Variants in COL4A5 observed in about 807,000 individuals in gnomAD.
The protein encoded by COL4A5 is collagen alpha-5(IV) chain.
In COL4A5, 26 loss-of-function variants were observed where a neutral mutation model predicts 130.2. That is an observed-to-expected ratio of 0.20 (90% CI 0.15 to 0.28). The LOEUF (loss-of-function observed/expected upper bound fraction) is 0.28. Ranked by LOEUF, COL4A5 falls within the 10% of genes least tolerant of loss-of-function variation. The pLI is 1.00. For synonymous variants in COL4A5, 496 were observed against 439.6 expected, an observed-to-expected ratio of 1.13 and a Z score of -1.60; for missense variants, 1,131 against 1,344.3, an observed-to-expected ratio of 0.84 and a Z score of 2.48.
intron 46 of COL4A5, 46 bp downstream of exon 46, chrX:108,681,002 T>C (rs1218402297): frequency 1.8e-6 from 2 of 1,097,959 alleles, no homozygotes; most frequent in Non-Finnish European, 2.5e-6. Flanking sequence ...CTTAGATGCT[T>C]TAAAGAATTT....
chrX:108,627,408 G>A (rs1210498873), intron 36 of COL4A5: 1 of 733,607 alleles, frequency 1.4e-6, no homozygotes, highest in African/African-American at 2.4e-5. Context: ...AGAGTTTGGG[G>A]TTTTTTCTAC....
intron 30 of COL4A5, among the ~76,000 whole-genome samples, chrX:108,616,699 A>G (rs2066933472): frequency 9.0e-6 from 1 of 111,586 alleles, no homozygotes. Flanking sequence ...GAATCTAAAC[A>G]AAATACAAAT....
rs183934559 is a variant in COL4A5, at chrX:108,598,732, C to A, written c.1810C>A (p.Pro604Thr). 1.4e-5 allele frequency: 17 copies of A among 1,208,911 alleles called. No homozygotes were observed. In the East Asian group the frequency reaches 5.0e-4, roughly 36 times the overall value. ...AATTACTTTTAAGGGTGAAAGAGGT[C>A]CCCCTGGGAACCCAGGTTTACCAGG... ...GGITFKGERGPPGNPGLPGLP... is the reference protein window; with the variant it reads ...GGITFKGERGTPGNPGLPGLP... The change falls in exon 25 of 53, where the codon CCC becomes ACC. Residue 604 changes from proline to threonine, a missense_variant. Physicochemically the swap from Pro to Thr is conservative, Grantham distance 38 (BLOSUM62 -1). Coordinates refer to ENST00000328300, the MANE Select transcript of COL4A5 (RefSeq NM_033380.3).
rs953205757 is a variant in COL4A5, at chrX:108,582,950, A to G, written c.990+13A>G. The stretch of plus-strand genomic sequence containing the variant: ...GGATGGTGAAAAGGTAAGAATTTTA[A>G]TACTTTGAAGTGACTGGTTTAGTCT... On this transcript the variant is annotated intron_variant, in intron 17 of 52. Coordinates refer to ENST00000328300, the MANE Select transcript of COL4A5 (RefSeq NM_033380.3). 6 of 1,172,150 alleles carry G rather than the reference A, an allele frequency of 5.1e-6. No homozygotes were observed. The highest frequency in any genetic ancestry group is 7.0e-6 in the Non-Finnish European group (6 of 860,963).
At chrX:108,441,573 A>C (rs2064399830) in intron 1 of COL4A5, among the ~76,000 whole-genome samples, 1 of 112,500 alleles carries the variant, frequency 8.9e-6, no homozygotes, top group Admixed American at 9.4e-5. Flanking sequence ...TATGCATGCC[A>C]TAATTTTCTT....
In COL4A5 at chrX:108,598,606, A is replaced by G. The variant is rs778137080; in HGVS notation, c.1780-96A>G. The G allele has an allele frequency of 9.6e-4, 766 of 794,072 alleles. 4 individuals are homozygous for G. The highest frequency in any genetic ancestry group is 6.3e-5 in the Non-Finnish European group (33 of 521,129). The allele number at this position is 794,072 out of a possible 1,213,427, so 65.4% of individuals were successfully genotyped here. A position where few individuals can be genotyped will look rare whatever the true frequency, so the allele number is the denominator to read the frequency against. On this transcript the variant is annotated intron_variant, in intron 24 of 52. Coordinates refer to ENST00000328300, the MANE Select transcript of COL4A5 (RefSeq NM_033380.3). ...ACTTATATAGCTTTTAAGAAGAACT[A>G]TTTATGGCTATATCCTTTCCCCAGT...
chrX:108,578,251 T>G (rs764760207), intron 12 of COL4A5, 40 bp from the exon 13 acceptor site: 3 of 1,138,310 alleles, frequency 2.6e-6, no homozygotes, highest in Non-Finnish European at 3.6e-6. Context: ...CTGTGGAGAT[T>G]ATGAAGTATC....
chrX:108,605,862 T>G (rs1012474944), intron 28 of COL4A5, among the ~76,000 whole-genome samples: 4 of 112,058 alleles, frequency 3.6e-5, no homozygotes, highest in African/African-American at 9.7e-5. Flanking sequence ...TACAGATACA[T>G]AATGCAAATC....
chrX:108,638,280 T>C (rs758642217), intron 36 of COL4A5, among the ~76,000 whole-genome samples: 3 of 111,471 alleles, frequency 2.7e-5, no homozygotes, highest in Non-Finnish European at 5.7e-5. Flanking sequence ...CAAAAATCAT[T>C]AGTGTAATAC....
chrX:108,503,295 A>G (rs1461363890), intron 1 of COL4A5, among the ~76,000 whole-genome samples: 3 of 111,917 alleles, frequency 2.7e-5, no homozygotes, highest in African/African-American at 6.5e-5. Flanking sequence ...TTCTTGGCCA[A>G]TATCATACTG....
intron 2 of COL4A5, among the ~76,000 whole-genome samples, chrX:108,551,817 C>G (rs1293156066): frequency 2.7e-5 from 3 of 111,590 alleles, no homozygotes; most frequent in Non-Finnish European, 5.7e-5. Flanking sequence ...ACCTAGATGC[C>G]CATCAGTGGT....
chrX:108,599,039 C>A (rs1483013923), intron 25 of COL4A5, among the ~76,000 whole-genome samples, 169 bp downstream of exon 25: 1 of 111,378 alleles, frequency 9.0e-6, no homozygotes, highest in Non-Finnish European at 1.9e-5. Context: ...AAGGGGGTTT[C>A]TTTTTAAATC....
At chrX:108,692,577 A>G (rs905505841) in intron 49 of COL4A5, among the ~76,000 whole-genome samples, 171 bp from the exon 50 acceptor site, 2 of 112,059 alleles carry the variant, frequency 1.8e-5, no homozygotes, top group Non-Finnish European at 3.8e-5. Context: ...ACACATCCTA[A>G]TTTTATAAAT....
At chrX:108,629,793 C>T (rs2067219677) in intron 36 of COL4A5, among the ~76,000 whole-genome samples, 1 of 110,796 alleles carries the variant, frequency 9.0e-6, no homozygotes, top group African/African-American at 3.3e-5. Context: ...AGGTATTTCT[C>T]CTAATGCTAT....
intron 19 of COL4A5, among the ~76,000 whole-genome samples, chrX:108,587,337 T>A (rs1258028562): frequency 1.0e-5 from 1 of 95,775 alleles, no homozygotes; most frequent in African/African-American, 5.9e-5. Flanking sequence ...TTTTTTTTTT[T>A]AACCTCCTAC....
intron 44 of COL4A5, 55 bp from the exon 45 acceptor site, chrX:108,680,624 A>T: frequency 1.0e-6 from 1 of 996,111 alleles, no homozygotes; most frequent in Non-Finnish European, 1.4e-6. Context: ...GCCCTCAATC[A>T]CCTTCCTCCC....
intron 1 of COL4A5, among the ~76,000 whole-genome samples, chrX:108,538,248 G>A (rs2065483087): frequency 8.9e-6 from 1 of 112,114 alleles, no homozygotes; most frequent in Non-Finnish European, 1.9e-5. Context: ...TGATGAATGA[G>A]TAAGTCTGAA....
intron 50 of COL4A5, chrX:108,693,912 A>G (rs1210359026): frequency 9.0e-6 from 1 of 111,701 alleles, no homozygotes; most frequent in Non-Finnish European, 1.9e-5. Context: ...TTCAATAACC[A>G]TAAAGGATGA....
intron 36 of COL4A5, among the ~76,000 whole-genome samples, chrX:108,642,102 T>A (rs2147906208): frequency 9.0e-6 from 1 of 110,581 alleles, no homozygotes; most frequent in Non-Finnish European, 1.9e-5. Flanking sequence ...GGGTGAGGCC[T>A]GTGACTGCTG....
Sources: allele counts gnomAD v4.1 joint callset (sites outside exome capture counted in the v4.1 genomes callset), GRCh38; gene constraint gnomAD v4.1.1; transcripts MANE v1.5; gene names NCBI Gene and HGNC (gene_info 2026-07-23, HGNC 2026-07-21).